Variants in WWP1 observed in about 807,000 individuals in gnomAD.
WWP1 encodes the protein NEDD4-like E3 ubiquitin-protein ligase WWP1.
WWP1 carries 49 observed loss-of-function variants against 130.6 expected under a neutral mutation model. That is an observed-to-expected ratio of 0.38 (90% CI 0.30 to 0.48). The LOEUF is 0.48. WWP1 is among the 20% of genes least tolerant of loss of function. The pLI, the probability that WWP1 is intolerant of heterozygous loss-of-function variation, is 0.99. For synonymous variants in WWP1, 332 were observed against 367.8 expected (o/e 0.90, Z 1.11); for missense variants, 809 against 1,100.6 (o/e 0.74, Z 3.75).
chr8:86,436,783 T>C (rs1463053804), intron 16 of WWP1, among the ~76,000 whole-genome samples: 1 of 152,206 alleles, frequency 6.6e-6, no homozygotes, highest in Admixed American at 6.5e-5. Flanking sequence ...CCTAGTATTA[T>C]AATGATGAAC....
chr8:86,412,865 G>A (rs1808669310), intron 9 of WWP1, among the ~76,000 whole-genome samples: 1 of 151,906 alleles, frequency 6.6e-6, no homozygotes, highest in Non-Finnish European at 1.5e-5. Flanking sequence ...TTTCATTCTT[G>A]TTGGCCAGGC....
intron 18 of WWP1, among the ~76,000 whole-genome samples, chr8:86,445,516 T>C (rs1810813210): frequency 6.6e-6 from 1 of 152,180 alleles, no homozygotes; most frequent in South Asian, 2.1e-4. Context: ...ATTTCATTCT[T>C]TTTTTGGCTG....
intron 2 of WWP1, 85 bp from the exon 3 acceptor site, chr8:86,373,945 A>T: frequency 1.0e-6 from 1 of 963,170 alleles, no homozygotes; most frequent in Non-Finnish European, 1.5e-6. Flanking sequence ...AGAACTTCTT[A>T]GTTGATTTAA....
chr8:86,435,161 G>A (rs578230578), intron 14 of WWP1, among the ~76,000 whole-genome samples: 16 of 152,222 alleles, frequency 1.1e-4, no homozygotes, highest in African/African-American at 3.4e-4. Context: ...AAGGATTATC[G>A]AAGATTTTCT....
chr8:86,382,111 TTAA>T (rs1043936072), intron 5 of WWP1, among the ~76,000 whole-genome samples: 65 of 152,178 alleles, frequency 4.3e-4, no homozygotes, highest in African/African-American at 1.5e-3. Context: ...ATAACCAATC[TTAA>T]TAATTTGGTC....
intron 1 of WWP1, among the ~76,000 whole-genome samples, chr8:86,359,253 C>G (rs915707654): frequency 3.3e-5 from 5 of 151,994 alleles, no homozygotes; most frequent in Non-Finnish European, 5.9e-5. Flanking sequence ...ATGACCAGGA[C>G]CAGTTTGATA....
At chr8:86,424,560 C>T (rs1290177495) in intron 9 of WWP1, among the ~76,000 whole-genome samples, 5 of 151,488 alleles carry the variant, frequency 3.3e-5, no homozygotes, top group South Asian at 4.2e-4. Context: ...CCCGGCACCT[C>T]GGGAGGCTGA....
At chr8:86,388,313 G>A (rs1405752423) in intron 5 of WWP1, among the ~76,000 whole-genome samples, 1 of 151,622 alleles carries the variant, frequency 6.6e-6, no homozygotes, top group Non-Finnish European at 1.5e-5. Context: ...GCTGTTCACA[G>A]GTGCTATCCT....
intron 1 of WWP1, among the ~76,000 whole-genome samples, chr8:86,358,707 C>G (rs889591477): frequency 6.6e-6 from 1 of 151,790 alleles, no homozygotes; most frequent in East Asian, 1.9e-4. Context: ...CAAGGTTTTA[C>G]CGTGTTGCCT....
intron 1 of WWP1, among the ~76,000 whole-genome samples, chr8:86,349,449 C>T (rs1275355554): frequency 1.3e-5 from 2 of 152,086 alleles, no homozygotes; most frequent in Non-Finnish European, 2.9e-5. Flanking sequence ...CATTTGGGGC[C>T]ACCCATGTAA....
At chr8:86,384,981 A>T (rs888680472) in intron 5 of WWP1, among the ~76,000 whole-genome samples, 1 of 151,576 alleles carries the variant, frequency 6.6e-6, no homozygotes, top group East Asian at 1.9e-4. Context: ...CCAAGATTAT[A>T]CCACTGCATT....
At chr8:86,403,599 A>G (rs1189229176) in intron 8 of WWP1, among the ~76,000 whole-genome samples, 2 of 152,138 alleles carry the variant, frequency 1.3e-5, no homozygotes, top group East Asian at 1.9e-4. Flanking sequence ...CTGGACAGTA[A>G]TAAGTCTTAA....
intron 17 of WWP1, among the ~76,000 whole-genome samples, chr8:86,439,081 C>T (rs759705335): frequency 6.6e-5 from 10 of 151,230 alleles, no homozygotes; most frequent in African/African-American, 1.5e-4. Context: ...TGGTGGCTTA[C>T]GCCTGTAATC....
chr8:86,381,679 C>T (rs1423244757), intron 5 of WWP1, 50 bp downstream of exon 5: 2 of 1,482,348 alleles, frequency 1.3e-6, no homozygotes, highest in African/African-American at 2.9e-5. Flanking sequence ...ATTTTAGACA[C>T]TTTGAACATA....
chr8:86,402,015 C>A lies in WWP1; in HGVS notation c.540-4C>A. On this transcript the variant is annotated splice_region_variant and splice_polypyrimidine_tract_variant and intron_variant, in intron 7 of 24. Transcript: ENST00000517970. The stretch of plus-strand genomic sequence containing the variant: ...TGATTGAAATAAGGCATTTTTTTTT[C>A]AAGGTTGGCTGTTGAAGGCACGAAT... The A allele has an allele frequency of 1.3e-6, 2 of 1,524,870 alleles. No individual in the cohort carries two copies. Among genetic ancestry groups the A allele is most frequent in the South Asian group, 1.3e-5 (1 of 76,838 alleles). The allele number at this position is 1,524,870 out of a possible 1,614,324, so 94.5% of individuals were successfully genotyped here.
At chr8:86,375,562 C>CTT (rs11390683) in intron 3 of WWP1, among the ~76,000 whole-genome samples, 1 of 152,020 alleles carries the variant, frequency 6.6e-6, no homozygotes, top group Non-Finnish European at 1.5e-5. Context: ...CTGTGCTTTG[C>CTT]TTTTTTTAAC....
chr8:86,435,222 A>G (rs557186117), intron 14 of WWP1, among the ~76,000 whole-genome samples: 1 of 152,288 alleles, frequency 6.6e-6, no homozygotes, highest in South Asian at 2.1e-4. Context: ...CACTAACAAA[A>G]GATCCAGCCA....
At chr8:86,352,039 C>T (rs1444680365) in intron 1 of WWP1, among the ~76,000 whole-genome samples, 28 of 125,174 alleles carry the variant, frequency 2.2e-4, no homozygotes, top group African/African-American at 4.8e-4. Context: ...TAAAATATTC[C>T]TTTTTTTTTT....
intron 7 of WWP1, among the ~76,000 whole-genome samples, chr8:86,399,301 A>G (rs924777679): frequency 6.6e-5 from 10 of 152,188 alleles, no homozygotes; most frequent in Non-Finnish European, 8.8e-5. Flanking sequence ...TTCAGACATC[A>G]TTGTGGCCTT....
Sources: gnomAD v4.1 joint callset for allele counts (sites outside exome capture counted in the v4.1 genomes callset) on GRCh38, gnomAD v4.1.1 for gene constraint, MANE v1.5 for transcripts, NCBI Gene and HGNC (gene_info 2026-07-23, HGNC 2026-07-21) for gene names.